The following COL26A1 variants were observed in gnomAD, a reference collection of about 807,000 sequenced individuals.
COL26A1 encodes collagen alpha-1(XXVI) chain.
Under a neutral mutation model 59.3 loss-of-function variants are expected in COL26A1, and 41 were observed. The observed-to-expected ratio is 0.69, with a 90% CI of 0.54 to 0.90. COL26A1 has a LOEUF of 0.90. COL26A1 is among the 40% of genes least tolerant of loss of function. The probability of loss-of-function intolerance (pLI) is 0.00; values close to 1 mark genes in which losing one functional copy is unlikely to be tolerated. For missense variants in COL26A1, 612 were observed against 602.3 expected (o/e 1.02, Z -0.17); for synonymous variants, 266 against 256.0 (o/e 1.04, Z -0.37).
intron 4 of COL26A1, among the ~76,000 whole-genome samples, chr7:101,533,500 G>A (rs1012111940): frequency 6.6e-6 from 1 of 152,152 alleles, no homozygotes; most frequent in Non-Finnish European, 1.5e-5. Context: ...GGGCACAGAG[G>A]AACCGATGGG....
chr7:101,515,048 G>A (rs6975738), intron 3 of COL26A1, among the ~76,000 whole-genome samples: 49,563 of 152,054 alleles, frequency 0.33, 8,345 homozygotes, highest in Middle Eastern at 0.38. Flanking sequence ...CCAGAAGCCT[G>A]GGATAAGACC....
intron 3 of COL26A1, among the ~76,000 whole-genome samples, chr7:101,525,322 C>T (rs948787650): frequency 3.3e-5 from 5 of 151,404 alleles, no homozygotes; most frequent in African/African-American, 1.2e-4. Context: ...GCTGGGACTA[C>T]AGGCGTGTGC....
chr7:101,382,747 T>C (rs1679408370), intron 1 of COL26A1, among the ~76,000 whole-genome samples: 1 of 152,166 alleles, frequency 6.6e-6, no homozygotes, highest in African/African-American at 2.4e-5. Context: ...AATGGAGTCA[T>C]AGGATTACAG....
intron 1 of COL26A1, among the ~76,000 whole-genome samples, chr7:101,390,737 TAAAG>T (rs1791709556): frequency 6.6e-6 from 1 of 152,170 alleles, no homozygotes; most frequent in African/African-American, 2.4e-5. Context: ...GAGCCACTTT[TAAAG>T]AAGCCACCAG....
intron 3 of COL26A1, among the ~76,000 whole-genome samples, chr7:101,473,729 T>C (rs550126062): frequency 1.4e-4 from 21 of 148,348 alleles, no homozygotes; most frequent in Admixed American, 3.3e-4. Context: ...AGCTCATGCC[T>C]GTAGTCCCAG....
intron 3 of COL26A1, among the ~76,000 whole-genome samples, chr7:101,461,141 AT>A (rs1009361031): frequency 6.6e-6 from 1 of 151,718 alleles, no homozygotes; most frequent in Admixed American, 6.6e-5. Context: ...ACGCCCAGCA[AT>A]TTTTTTTGTT....
At chr7:101,555,531 T>C (rs577171360) in intron 11 of COL26A1, among the ~76,000 whole-genome samples, 21 of 151,670 alleles carry the variant, frequency 1.4e-4, no homozygotes, top group Admixed American at 1.3e-3. Context: ...TCGGCCGCTT[T>C]GCCAGGCTGT....
intron 3 of COL26A1, among the ~76,000 whole-genome samples, chr7:101,474,963 C>T (rs188266186): frequency 7.8e-4 from 118 of 152,228 alleles, no homozygotes; most frequent in African/African-American, 2.6e-3. Context: ...GAGGCCAAGG[C>T]GGGTGGATCC....
intron 2 of COL26A1, among the ~76,000 whole-genome samples, chr7:101,441,633 T>C (rs1464615475): frequency 2.6e-5 from 4 of 152,162 alleles, no homozygotes; most frequent in Non-Finnish European, 5.9e-5. Flanking sequence ...TACCTACTTT[T>C]ATTGTTCTCA....
chr7:101,398,698 C>T (rs17133741), intron 1 of COL26A1, among the ~76,000 whole-genome samples: 2,010 of 152,238 alleles, frequency 0.013, 37 homozygotes, highest in African/African-American at 0.046. Flanking sequence ...GTCTGTACCT[C>T]GGGAAGCAAT....
At chr7:101,452,491 T>C (rs1209341699) in intron 3 of COL26A1, among the ~76,000 whole-genome samples, 1 of 152,210 alleles carries the variant, frequency 6.6e-6, no homozygotes, top group Non-Finnish European at 1.5e-5. Context: ...TATACAGTCA[T>C]GCGTGGCTTA....
chr7:101,493,644 C>T (rs948377567), intron 3 of COL26A1, among the ~76,000 whole-genome samples: 14 of 151,250 alleles, frequency 9.3e-5, no homozygotes, highest in Middle Eastern at 3.4e-3. Flanking sequence ...AAATTATGGC[C>T]GGGCGCGGTA....
At chr7:101,391,143 A>G (rs76704466) in intron 1 of COL26A1, among the ~76,000 whole-genome samples, 9,382 of 152,194 alleles carry the variant, frequency 0.062, 670 homozygotes, top group African/African-American at 0.16. Context: ...AGCAGATGGC[A>G]AAGAAAAACA....
At chr7:101,380,808 C>T (rs771062842) in intron 1 of COL26A1, among the ~76,000 whole-genome samples, 6 of 152,166 alleles carry the variant, frequency 3.9e-5, no homozygotes, top group Admixed American at 2.6e-4. Context: ...GTTAAAAGCT[C>T]TTAGAGCTAG....
At chr7:101,549,940 A>G (rs2130677787) in intron 9 of COL26A1, among the ~76,000 whole-genome samples, 1 of 152,278 alleles carries the variant, frequency 6.6e-6, no homozygotes, top group South Asian at 2.1e-4. Flanking sequence ...CCCTAACCCC[A>G]GGTTCGCCCT....
At chr7:101,387,534 G>C (rs944759325) in intron 1 of COL26A1, among the ~76,000 whole-genome samples, 18 of 148,740 alleles carry the variant, frequency 1.2e-4, no homozygotes, top group Admixed American at 3.3e-4. Context: ...ACGATTTACT[G>C]TCTTTTATTT....
At chr7:101,442,395 C>T (rs899839840) in intron 2 of COL26A1, among the ~76,000 whole-genome samples, 11 of 150,164 alleles carry the variant, frequency 7.3e-5, no homozygotes, top group Non-Finnish European at 1.6e-4. Context: ...GGCACGATCT[C>T]GGCTCACTGC....
At chr7:101,382,166 A>T (rs1181773847) in intron 1 of COL26A1, among the ~76,000 whole-genome samples, 1 of 152,110 alleles carries the variant, frequency 6.6e-6, no homozygotes, top group Admixed American at 6.6e-5. Flanking sequence ...CTCCTGCCTC[A>T]GCCTCTTGAG....
chr7:101,511,909 C>T (rs946083870), intron 3 of COL26A1, among the ~76,000 whole-genome samples: 1 of 152,110 alleles, frequency 6.6e-6, no homozygotes, highest in Non-Finnish European at 1.5e-5. Context: ...GGGAGAATTG[C>T]TTGAGCCTAC....
Sources: gnomAD v4.1 joint callset for allele counts (sites outside exome capture counted in the v4.1 genomes callset) on GRCh38, gnomAD v4.1.1 for gene constraint, MANE v1.5 for transcripts, NCBI Gene and HGNC (gene_info 2026-07-23, HGNC 2026-07-21) for gene names.